CR1: variants seen among roughly 807,000 people sequenced by gnomAD.
CR1 encodes the protein complement receptor type 1.
CR1 carries 116 observed loss-of-function variants against 187.3 expected under a neutral mutation model. That is an observed-to-expected ratio of 0.62 (90% confidence interval 0.53 to 0.72). CR1 has a LOEUF of 0.72. CR1 is among the 30% of genes least tolerant of loss of function. CR1 has a pLI of 0.00. For synonymous variants in CR1, 576 were observed against 747.1 expected (o/e 0.77, Z 3.73); for missense variants, 1,731 against 2,110.7 (o/e 0.82, Z 3.52).
chr1:207,564,409 T>C (rs1039323362), intron 23 of CR1, among the ~76,000 whole-genome samples, 175 bp downstream of exon 23: 11 of 149,438 alleles, frequency 7.4e-5, no homozygotes, highest in Admixed American at 6.6e-4. Context: ...ATAGAACTAA[T>C]AACATGAGAT....
chr1:207,581,211 TACATATGGACACGTATATGTAG>T (rs1660931540), intron 31 of CR1, among the ~76,000 whole-genome samples: 1 of 145,462 alleles, frequency 6.9e-6, no homozygotes, highest in South Asian at 2.3e-4. Context: ...TGTAGACGTA[TACATATGGACACGTATATGTAG>T]ACGTATACAT....
At chr1:207,568,118 G>T in intron 25 of CR1, 76 bp downstream of exon 25, 2 of 1,609,344 alleles carry the variant, frequency 1.2e-6, no homozygotes, top group Admixed American at 3.3e-5. Flanking sequence ...CATAATTACA[G>T]TGTAGTATTT....
chr1:207,498,178 T>A (rs1659148865), intron 1 of CR1, among the ~76,000 whole-genome samples: 1 of 152,174 alleles, frequency 6.6e-6, no homozygotes. Flanking sequence ...AATCAGATGG[T>A]GTAATGCATG....
intron 13 of CR1, among the ~76,000 whole-genome samples, chr1:207,544,727 C>CAG (rs1249753944): frequency 6.7e-6 from 1 of 148,284 alleles, no homozygotes; most frequent in Non-Finnish European, 1.5e-5. Context: ...AATGACTAGG[C>CAG]AGCACCTTGC....
In CR1 at chr1:207,609,395, G is replaced by A. The variant is rs1182031602; in HGVS notation, c.6002G>A (p.Gly2001Glu). Residue 2001 changes from glycine to glutamate, a missense_variant, in exon 37 of 47, where the codon GGA becomes GAA. By Grantham distance (98) the Gly-to-Glu change is moderately conservative. Around this residue, in one of 5 missense-constraint regions of CR1, gnomAD observed 1,312 missense variants for 1,379.6 expected, o/e 0.95. Transcript: ENST00000367049. The part of the protein sequence containing the change: ...GTVVTYQCHT[G>E]PDGEQLFELV... ...GTGGTAACTTACCAGTGCCACACTG[G>A]ACCAGATGGAGAACAGCTGTTTGAG... is the stretch of plus-strand genomic sequence containing the variant. The A allele has an allele frequency of 3.1e-6, 5 of 1,613,832 alleles. No individual in the cohort carries two copies. In the African/African-American group the frequency reaches 5.3e-5, roughly 17 times the overall value.
intron 4 of CR1, among the ~76,000 whole-genome samples, chr1:207,515,331 G>T (rs994970818): frequency 2.7e-5 from 4 of 149,782 alleles, no homozygotes; most frequent in African/African-American, 9.8e-5. Context: ...TATATATAGT[G>T]TGTATATATG....
intron 4 of CR1, among the ~76,000 whole-genome samples, chr1:207,520,360 C>A (rs1411732266): frequency 6.6e-6 from 1 of 152,234 alleles, no homozygotes; most frequent in Non-Finnish European, 1.5e-5. Context: ...CTGCCGTGAC[C>A]ACCTCTCAGT....
chr1:207,609,647 C>A lies in CR1; in HGVS notation c.6254C>A (p.Thr2085Asn). The stretch of plus-strand genomic sequence containing the variant: ...GGGTCCCACACTGTGCAGTGCCAGA[C>A]CAATGGCAGATGGGGGCCCAAGCTG... ...MVGSHTVQCQ[T>N]NGRWGPKLPH... The change falls in exon 37 of 47, where the codon ACC (threonine) becomes AAC (asparagine). Residue 2085 changes from threonine to asparagine, a missense_variant. This residue lies in a region of CR1 where 1,312 missense variants were observed against 1,379.6 expected (regional missense o/e 0.95). Transcript: ENST00000367049. The A allele has an allele frequency of 6.2e-7, 1 of 1,600,008 alleles. No homozygotes were observed. Among genetic ancestry groups the A allele is most frequent in the East Asian group, 2.2e-5 (1 of 44,796 alleles).
At chr1:207,607,177 G>A (rs1661777116) in intron 35 of CR1, 74 bp from the exon 36 acceptor site, 1 of 1,161,696 alleles carries the variant, frequency 8.6e-7, no homozygotes, top group Non-Finnish European at 1.3e-6. Flanking sequence ...ATGTCTACCT[G>A]CTATTATTTT....
chr1:207,585,110 G>A (rs1661074677), intron 33 of CR1, among the ~76,000 whole-genome samples: 1 of 152,090 alleles, frequency 6.6e-6, no homozygotes, highest in Non-Finnish European at 1.5e-5. Flanking sequence ...TGGGAAAAAG[G>A]GACTGAGGGA....
rs758293909 is a variant in CR1, at chr1:207,577,901, G to A, written c.4634G>A (p.Cys1545Tyr). 4.3e-6 allele frequency: 7 copies of A among 1,613,236 alleles called. No homozygotes were observed. The highest frequency in any genetic ancestry group is 1.3e-5 in the African/African-American group (1 of 75,000). Residue 1545 changes from cysteine (C) to tyrosine (Y), a missense_variant, in exon 29 of 47, where the codon TGC (cysteine) becomes TAC (tyrosine). Coordinates refer to ENST00000367049, the MANE Select transcript of CR1 (RefSeq NM_000651.6). Reference sequence around the variant, plus strand: ...TATGGATCAGTGGTGACCTACCGCTGCAATCTTGGAAGCAGAGGGAGAAAG... The same window carrying A: ...TATGGATCAGTGGTGACCTACCGCTACAATCTTGGAAGCAGAGGGAGAAAG... ...FHYGSVVTYR[C>Y]NLGSRGRKVF...
chr1:207,578,136 A>T lies in CR1; in HGVS notation c.4869A>T (p.Lys1623Asn), dbSNP rs747352862. ...EFRCQPGFVMKGPRRVKCQAL... is the reference protein window; with the variant it reads ...EFRCQPGFVMNGPRRVKCQAL... ...GGTGTCAGCCTGGCTTTGTCATGAAAGGACCCCGCCGTGTGAAGTGCCAGG... is the reference window on the plus strand; with the variant it reads ...GGTGTCAGCCTGGCTTTGTCATGAATGGACCCCGCCGTGTGAAGTGCCAGG... The change falls in exon 29 of 47, where the codon AAA becomes AAT. Residue 1623 changes from lysine to asparagine, a missense_variant. Physicochemically the swap from Lys to Asn is moderately conservative, Grantham distance 94. Around this residue, in one of 5 missense-constraint regions of CR1, gnomAD observed 1,312 missense variants for 1,379.6 expected, o/e 0.95. Transcript: ENST00000367049. 6.2e-7 allele frequency: 1 copy of T among 1,611,864 alleles called. No homozygotes were observed. Among genetic ancestry groups the T allele is most frequent in the South Asian group, 1.1e-5 (1 of 90,992 alleles).
chr1:207,496,457 C>A, intron 1 of CR1, 69 bp downstream of exon 1: 1 of 1,488,546 alleles, frequency 6.7e-7, no homozygotes, highest in Non-Finnish European at 9.0e-7. Flanking sequence ...AGAGAACTCG[C>A]GTGCAGCGCT....
At position 207,639,396 on chromosome 1, in the gene CR1, G is replaced by T. The variant is rs756952830; in HGVS notation, c.7458-1G>T. 8.1e-6 allele frequency: 13 copies of T among 1,599,106 alleles called. No individual in the cohort carries two copies. The highest frequency in any genetic ancestry group is 1.1e-5 in the Non-Finnish European group (13 of 1,171,854). ...TAAATGAAAACATCCTGTTATTTCA[G>T]GGTCCTTCCTTGACAAAGTACTATA... On this transcript the variant is annotated splice_acceptor_variant, in intron 46 of 46. Coordinates refer to ENST00000367049, the MANE Select transcript of CR1 (RefSeq NM_000651.6). LOFTEE classifies it high-confidence loss of function.
intron 35 of CR1, among the ~76,000 whole-genome samples, chr1:207,592,695 C>T (rs963491533): frequency 1.6e-4 from 25 of 152,028 alleles, no homozygotes; most frequent in African/African-American, 1.7e-4. Context: ...TTTAGAAAAC[C>T]CCATTATCTC....
At chr1:207,604,026 G>C (rs141870375) in intron 35 of CR1, among the ~76,000 whole-genome samples, 167 of 152,226 alleles carry the variant, frequency 1.1e-3, no homozygotes, top group African/African-American at 3.9e-3. Context: ...CATGACCTAC[G>C]GAGTGAGTCA....
At chr1:207,498,404 T>C (rs1163373899) in intron 1 of CR1, among the ~76,000 whole-genome samples, 1 of 152,208 alleles carries the variant, frequency 6.6e-6, no homozygotes, top group African/African-American at 2.4e-5. Flanking sequence ...AGGATTGTTT[T>C]GTTATTATGA....
At chr1:207,501,743 T>C (rs1336698386) in intron 1 of CR1, among the ~76,000 whole-genome samples, 1 of 152,230 alleles carries the variant, frequency 6.6e-6, no homozygotes, top group African/African-American at 2.4e-5. Flanking sequence ...AGCTTTGCTG[T>C]GACATTTACC....
chr1:207,586,604 T>G (rs1273493643), intron 33 of CR1, among the ~76,000 whole-genome samples: 1 of 152,246 alleles, frequency 6.6e-6, no homozygotes, highest in Admixed American at 6.5e-5. Context: ...AGAGGTATTT[T>G]CCCATCTTCT....
Sources: gnomAD v4.1 joint callset for allele counts (sites outside exome capture counted in the v4.1 genomes callset) on GRCh38, gnomAD v4.1.1 for gene constraint, gnomAD v4.1.1 regional missense constraint, MANE v1.5 for transcripts, NCBI Gene and HGNC (gene_info 2026-07-23, HGNC 2026-07-21) for gene names.